The following BMPR1B variants were observed in gnomAD, a reference collection of about 807,000 sequenced individuals.
BMPR1B encodes bone morphogenetic protein receptor type 1B.
In BMPR1B, 12 loss-of-function variants were observed where a neutral mutation model predicts 59.1. The ratio of observed to expected loss-of-function variants is 0.20; its 90% CI spans 0.13 to 0.33. The LOEUF is 0.33. Ranked by LOEUF, BMPR1B falls within the 10% of genes least tolerant of loss-of-function variation. BMPR1B has a pLI of 1.00. For missense variants in BMPR1B, 550 were observed against 610.9 expected (o/e 0.90, Z 1.05); for synonymous variants, 237 against 207.3 (o/e 1.14, Z -1.23).
intron 2 of BMPR1B, among the ~76,000 whole-genome samples, chr4:94,921,611 G>A (rs555470696): frequency 4.6e-5 from 7 of 152,178 alleles, no homozygotes; most frequent in African/African-American, 1.4e-4. Context: ...CATGAGGACA[G>A]CATCAAGAAG....
chr4:94,868,410 G>A (rs7673527), intron 1 of BMPR1B, among the ~76,000 whole-genome samples: 60,107 of 151,878 alleles, frequency 0.4, 13,375 homozygotes, highest in African/African-American at 0.59. Context: ...ACCTCAAATG[G>A]TCCACCCACC....
chr4:94,974,849 C>T (rs565022809), intron 2 of BMPR1B, among the ~76,000 whole-genome samples: 85 of 152,206 alleles, frequency 5.6e-4, no homozygotes, highest in South Asian at 3.9e-3. Context: ...CTCCCAAACA[C>T]ACAAATAGAC....
At chr4:94,829,873 C>T (rs1325047362) in intron 1 of BMPR1B, among the ~76,000 whole-genome samples, 2 of 152,098 alleles carry the variant, frequency 1.3e-5, no homozygotes, top group African/African-American at 2.4e-5. Flanking sequence ...AGATTTGTAA[C>T]GCATTTCTAA....
In BMPR1B at chr4:94,918,015, C is replaced by T. The variant is rs147413097; in HGVS notation, c.-113+42115C>T. 2.8e-3 allele frequency among the ~76,000 whole-genome samples: 433 copies of T among 152,202 alleles called. 10 individuals carry two copies. The highest frequency in any genetic ancestry group is 4.6e-4 in the Non-Finnish European group (31 of 68,016). On this transcript the variant is annotated intron_variant, in intron 2 of 12. Coordinates refer to ENST00000515059, the MANE Select transcript of BMPR1B (RefSeq NM_001203.3). ...CTGCTTGCACCATGTGACATGCCTG[C>T]TCCTGCTTCACCTTCTGCCATGAGT...
intron 1 of BMPR1B, among the ~76,000 whole-genome samples, chr4:94,808,237 A>G (rs1043820285): frequency 1.3e-5 from 2 of 152,176 alleles, no homozygotes; most frequent in Admixed American, 6.5e-5. Context: ...TGTGGGATTT[A>G]TGGAAAATTA....
intron 3 of BMPR1B, among the ~76,000 whole-genome samples, chr4:95,076,583 A>G (rs1344375068): frequency 2.0e-5 from 3 of 152,212 alleles, no homozygotes; most frequent in African/African-American, 7.2e-5. Flanking sequence ...TTCATTTTAC[A>G]GATGAGGAAA....
intron 1 of BMPR1B, among the ~76,000 whole-genome samples, chr4:94,792,458 T>G (rs1578648715): frequency 6.6e-6 from 1 of 152,206 alleles, no homozygotes; most frequent in East Asian, 1.9e-4. Context: ...CACTCTTTTT[T>G]TCCAGATTAC....
chr4:94,933,959 A>G (rs1245858511), intron 2 of BMPR1B, among the ~76,000 whole-genome samples: 1 of 152,178 alleles, frequency 6.6e-6, no homozygotes, highest in African/African-American at 2.4e-5. Flanking sequence ...ATGACAGTCA[A>G]CAAACTTGGC....
chr4:94,820,961 C>G (rs1051430495), intron 1 of BMPR1B, among the ~76,000 whole-genome samples: 2 of 152,178 alleles, frequency 1.3e-5, no homozygotes, highest in Non-Finnish European at 2.9e-5. Context: ...TGCTTTAACT[C>G]TTACCAGCTG....
At chr4:94,793,003 A>ACTT (rs59859017) in intron 1 of BMPR1B, among the ~76,000 whole-genome samples, 150,092 of 151,896 alleles carry the variant, frequency 0.99, 74,160 homozygotes, top group Middle Eastern at 1. Flanking sequence ...TCTATAGAAA[A>ACTT]CTTTTTTTTT....
At chr4:95,116,315 C>T (rs1050701975) in intron 6 of BMPR1B, among the ~76,000 whole-genome samples, 8 of 151,534 alleles carry the variant, frequency 5.3e-5, no homozygotes, top group Non-Finnish European at 1.0e-4. Context: ...AAGTGTTGTT[C>T]CTTTAAAATG....
chr4:94,994,970 T>G (rs113094591), intron 2 of BMPR1B, among the ~76,000 whole-genome samples: 157 of 152,310 alleles, frequency 1.0e-3, no homozygotes, highest in African/African-American at 3.7e-3. Context: ...ATCTGTAAGA[T>G]GAGTAAGTGA....
At chr4:95,103,416 T>G in intron 3 of BMPR1B, 3 of 980,592 alleles carry the variant, frequency 3.1e-6, no homozygotes, top group Non-Finnish European at 3.6e-6. Flanking sequence ...AAGCTAAATG[T>G]GTTATGAGAG....
At chr4:94,957,536 C>G (rs1358503546) in intron 2 of BMPR1B, among the ~76,000 whole-genome samples, 2 of 151,746 alleles carry the variant, frequency 1.3e-5, no homozygotes, top group Non-Finnish European at 2.9e-5. Context: ...TTGTTTCCCT[C>G]TTCTTTCCTC....
intron 2 of BMPR1B, among the ~76,000 whole-genome samples, chr4:94,892,063 C>T (rs1348192887): frequency 1.3e-5 from 2 of 152,068 alleles, no homozygotes; most frequent in African/African-American, 4.8e-5. Flanking sequence ...AAACTCATGT[C>T]TCATTTAGGG....
chr4:94,887,669 C>T (rs1464333164), intron 2 of BMPR1B, among the ~76,000 whole-genome samples: 3 of 151,424 alleles, frequency 2.0e-5, no homozygotes, highest in African/African-American at 4.8e-5. Flanking sequence ...AATTAATAAG[C>T]GGCATCAAAG....
intron 3 of BMPR1B, among the ~76,000 whole-genome samples, chr4:95,084,650 G>A (rs2149240449): frequency 6.6e-6 from 1 of 152,260 alleles, no homozygotes; most frequent in African/African-American, 2.4e-5. Context: ...TCCAGGGAGT[G>A]TGGTCATGGG....
At chr4:94,970,540 TG>T (rs1291707786) in intron 2 of BMPR1B, among the ~76,000 whole-genome samples, 3 of 152,166 alleles carry the variant, frequency 2.0e-5, no homozygotes, top group African/African-American at 7.2e-5. Flanking sequence ...CAAGAACTCC[TG>T]ACCTCAGGCA....
At chr4:95,136,679 TTC>T (rs2149309542) in intron 10 of BMPR1B, among the ~76,000 whole-genome samples, 1 of 152,330 alleles carries the variant, frequency 6.6e-6, no homozygotes, top group Admixed American at 6.5e-5. Context: ...TTCTTCTATT[TTC>T]TAGTTTATTT....
Sources: allele counts gnomAD v4.1 joint callset (sites outside exome capture counted in the v4.1 genomes callset), GRCh38; gene constraint gnomAD v4.1.1; transcripts MANE v1.5; gene names NCBI Gene and HGNC (gene_info 2026-07-23, HGNC 2026-07-21).